The following LYSMD2 variants were observed in gnomAD, a reference collection of about 807,000 sequenced individuals.
The protein encoded by LYSMD2 is lysM and putative peptidoglycan-binding domain-containing protein 2.
In LYSMD2, 6 loss-of-function variants were observed where a neutral mutation model predicts 17.7. That is an observed-to-expected ratio of 0.34 (90% CI 0.19 to 0.67). The LOEUF (loss-of-function observed/expected upper bound fraction) is 0.67. Among genes scored for constraint, LYSMD2 ranks in the 30% least tolerant of loss-of-function variants. The pLI is 0.69. For missense variants in LYSMD2, 237 were observed against 286.7 expected, an observed-to-expected ratio of 0.83 and a Z score of 1.25; for synonymous variants, 102 against 129.8, an observed-to-expected ratio of 0.79 and a Z score of 1.45.
At chr15:51,731,190 G>A (rs2055574469) in intron 1 of LYSMD2, among the ~76,000 whole-genome samples, 1 of 152,158 alleles carries the variant, frequency 6.6e-6, no homozygotes, top group Admixed American at 6.5e-5. Flanking sequence ...TTTACTTAAA[G>A]TCATCGAATC....
intron 1 of LYSMD2, among the ~76,000 whole-genome samples, chr15:51,745,210 T>G (rs1468118017): frequency 6.6e-6 from 1 of 152,142 alleles, no homozygotes; most frequent in East Asian, 1.9e-4. Flanking sequence ...ATTAATCTTT[T>G]GCAAACACTT....
At chr15:51,746,789 T>C (rs1269237897) in intron 1 of LYSMD2, among the ~76,000 whole-genome samples, 2 of 152,120 alleles carry the variant, frequency 1.3e-5, no homozygotes, top group African/African-American at 4.8e-5. Flanking sequence ...ATTCCTGATA[T>C]TATTTCTTCT....
intron 1 of LYSMD2, among the ~76,000 whole-genome samples, chr15:51,748,137 G>A (rs2141604852): frequency 6.6e-6 from 1 of 152,070 alleles, no homozygotes; most frequent in African/African-American, 2.4e-5. Context: ...CGGGTGTAGT[G>A]GCAGCACCTG....
intron 1 of LYSMD2, among the ~76,000 whole-genome samples, chr15:51,749,088 A>G (rs1389590768): frequency 6.6e-6 from 1 of 152,208 alleles, no homozygotes; most frequent in Non-Finnish European, 1.5e-5. Flanking sequence ...GTTCTGTTTC[A>G]ATTTTACATT....
At chr15:51,730,431 G>A (rs143968338) in intron 1 of LYSMD2, among the ~76,000 whole-genome samples, 2,007 of 152,308 alleles carry the variant, frequency 0.013, 46 homozygotes, top group African/African-American at 0.046. Flanking sequence ...CAGGAGAATC[G>A]CTTGAGCCTG....
intron 1 of LYSMD2, among the ~76,000 whole-genome samples, chr15:51,736,556 T>C (rs1023596737): frequency 3.3e-5 from 5 of 152,252 alleles, no homozygotes; most frequent in Non-Finnish European, 7.3e-5. Flanking sequence ...CATTGCTGTC[T>C]AAGGTGCTTC....
intron 1 of LYSMD2, among the ~76,000 whole-genome samples, chr15:51,747,041 AAT>A (rs1398746561): frequency 4.0e-5 from 6 of 150,706 alleles, no homozygotes; most frequent in Admixed American, 6.6e-5. Context: ...AAAAAAAAAA[AAT>A]ACGAAAATTA....
intron 1 of LYSMD2, among the ~76,000 whole-genome samples, chr15:51,730,127 A>G (rs1490629364): frequency 6.6e-6 from 1 of 152,246 alleles, no homozygotes; most frequent in African/African-American, 2.4e-5. Flanking sequence ...GAATAAGGAA[A>G]GTAACAGCCA....
intron 1 of LYSMD2, among the ~76,000 whole-genome samples, chr15:51,750,260 CA>C (rs2055691228): frequency 6.6e-6 from 1 of 152,190 alleles, no homozygotes; most frequent in Non-Finnish European, 1.5e-5. Flanking sequence ...TTGTAAAAAT[CA>C]AATGAGAACA....
intron 1 of LYSMD2, among the ~76,000 whole-genome samples, chr15:51,750,026 G>A (rs1022770391): frequency 2.0e-5 from 3 of 152,214 alleles, no homozygotes; most frequent in South Asian, 2.1e-4. Flanking sequence ...GAGTTTTAGA[G>A]GATTAACTTT....
At position 51,728,396 on chromosome 15, in the gene LYSMD2, AACACACACAC is replaced by A. The variant is rs61106396; in HGVS notation, c.274-3285_274-3276del. Among the ~76,000 whole-genome samples the A allele has an allele frequency of 5.0e-3, 725 of 144,934 alleles. 7 individuals are homozygous for A. Among genetic ancestry groups the A allele is most frequent in the African/African-American group, 0.017 (684 of 39,172 alleles). ...ATCACAACATTGTACTCCAGGAGAA[AACACACACAC>A]ACACACACACACACACACACACACA... On this transcript the variant is annotated intron_variant, in intron 1 of 2. Coordinates refer to ENST00000267838, the MANE Select transcript of LYSMD2 (RefSeq NM_153374.3).
upstream of LYSMD2, among the ~76,000 whole-genome samples, chr15:51,740,869 A>T (rs2055639515): frequency 6.6e-6 from 1 of 152,232 alleles, no homozygotes. Flanking sequence ...GGAAAATATA[A>T]AACTTTTTTG....
At chr15:51,733,162 C>T (rs2141596395) in intron 1 of LYSMD2, among the ~76,000 whole-genome samples, 1 of 152,184 alleles carries the variant, frequency 6.6e-6, no homozygotes, top group South Asian at 2.1e-4. Context: ...TTCCTTCTGC[C>T]TGGAATGTTC....
chr15:51,740,995 G>T (rs910120745), upstream of LYSMD2, among the ~76,000 whole-genome samples: 1 of 152,102 alleles, frequency 6.6e-6, no homozygotes, highest in African/African-American at 2.4e-5. Flanking sequence ...CATTAAAATT[G>T]CAAACAAAAT....
At chr15:51,727,475 G>T (rs997667729) in intron 1 of LYSMD2, among the ~76,000 whole-genome samples, 3 of 152,166 alleles carry the variant, frequency 2.0e-5, no homozygotes, top group African/African-American at 7.2e-5. Context: ...AACTTCCCTT[G>T]TTGGTTCCCT....
At chr15:51,741,173 C>T (rs1402445204), upstream of LYSMD2, among the ~76,000 whole-genome samples, 3 of 152,188 alleles carry the variant, frequency 2.0e-5, no homozygotes, top group African/African-American at 4.8e-5. Flanking sequence ...GGGACTGGTA[C>T]TGAGGCAGGA....
At chr15:51,726,394 T>C (rs2055540313) in intron 1 of LYSMD2, among the ~76,000 whole-genome samples, 1 of 152,206 alleles carries the variant, frequency 6.6e-6, no homozygotes, top group Non-Finnish European at 1.5e-5. Context: ...CCCCCAAGCA[T>C]CCAGCTGCTC....
At chr15:51,750,136 G>C (rs1296702074) in intron 1 of LYSMD2, among the ~76,000 whole-genome samples, 1 of 152,180 alleles carries the variant, frequency 6.6e-6, no homozygotes, top group African/African-American at 2.4e-5. Context: ...AAGGAGAGAA[G>C]ACAGGCTTAC....
chr15:51,735,211 A>AT (rs2055601248), intron 1 of LYSMD2, among the ~76,000 whole-genome samples: 1 of 152,148 alleles, frequency 6.6e-6, no homozygotes, highest in Admixed American at 6.5e-5. Context: ...AAACAAGAAT[A>AT]TCACTTCACT....
Sources: gnomAD v4.1 joint callset for allele counts (sites outside exome capture counted in the v4.1 genomes callset) on GRCh38, gnomAD v4.1.1 for gene constraint, MANE v1.5 for transcripts, NCBI Gene and HGNC (gene_info 2026-07-23, HGNC 2026-07-21) for gene names.